KLRC2: variants seen among roughly 807,000 people sequenced by gnomAD.
The protein encoded by KLRC2 is killer cell lectin like receptor C2, also known as NKG2-C type II integral membrane protein.
KLRC2 carries 10 observed loss-of-function variants against 25.5 expected under a neutral mutation model. The observed-to-expected ratio is 0.39, with a 90% CI of 0.24 to 0.67. KLRC2 has a LOEUF of 0.67. KLRC2 is among the 30% of genes least tolerant of loss of function. KLRC2 has a pLI of 0.45. For synonymous variants in KLRC2, 48 were observed against 93.3 expected (o/e 0.51, Z 2.80); for missense variants, 170 against 272.8 (o/e 0.62, Z 2.65).
rs757065789 is a variant in KLRC2 at position 10,431,220 on chromosome 12, T to G, written c.593A>C (p.Asp198Ala). The G allele has an allele frequency of 6.5e-7, 1 of 1,543,896 alleles. No homozygotes were observed. Among genetic ancestry groups the G allele is most frequent in the Non-Finnish European group, 8.8e-7 (1 of 1,130,132 alleles). ...NGLAFKHKIK[D>A]SDNAELNCAV... ...ACAGTTAAGTTCAGCATTATCTGAG[T>G]CTTTTATCCTGTAATGGAGAAAAAT... The change falls in exon 6 of 6, where the codon GAC becomes GCC. Residue 198 changes from aspartate (D) to alanine (A), a missense_variant. Physicochemically the swap from Asp to Ala is moderately radical, Grantham distance 126. Transcript: ENST00000381902.
At position 10,432,934 on chromosome 12, in the gene KLRC2, G is replaced by A. The variant is rs552928329; in HGVS notation, c.484-728C>T. On this transcript the variant is annotated intron_variant, in intron 4 of 5. Coordinates refer to ENST00000381902, the MANE Select transcript of KLRC2 (RefSeq NM_002260.4). ...CACCCAACCTGGCAATAGGAGGAGGGTATCGAAGGAGAGTCCCCTCCACAA... is the reference window on the plus strand; with the variant it reads ...CACCCAACCTGGCAATAGGAGGAGGATATCGAAGGAGAGTCCCCTCCACAA... 5.0e-5 allele frequency among the ~76,000 whole-genome samples: 7 copies of A among 138,794 alleles called. 1 individual carries two copies. The East Asian group carries it at 1.5e-3, about 30-fold the overall frequency. 91.1% of individuals were successfully genotyped at this position (138,794 alleles called of 152,430 possible). A position where few individuals can be genotyped will look rare whatever the true frequency, so the allele number is the denominator to read the frequency against.
chr12:10,434,220 T>C (rs1863845294), intron 3 of KLRC2: 3 of 614,522 alleles, frequency 4.9e-6, no homozygotes, highest in Non-Finnish European at 8.7e-6. Context: ...ACTGCTTTTT[T>C]AGAATAGTAA....
Position 10,431,157 on chromosome 12 carries a change from C to A in KLRC2, c.656G>T (p.Cys219Phe). 1 of 1,547,602 alleles carries A rather than the reference C, an allele frequency of 6.5e-7. No homozygotes were observed. The highest frequency in any genetic ancestry group is 8.8e-7 in the Non-Finnish European group (1 of 1,133,704). ...LQVNRLKSAQ[C>F]GSSMIYHCKH... ...ACAATGATATATCATTGAAGATCCACACTGGGCTGATTTAAGTCGATTTAC... is the reference window on the plus strand; with the variant it reads ...ACAATGATATATCATTGAAGATCCAAACTGGGCTGATTTAAGTCGATTTAC... The change falls in exon 6 of 6, where the codon TGT becomes TTT. Residue 219 changes from cysteine (C) to phenylalanine (F), a missense_variant. Transcript: ENST00000381902.
chr12:10,432,009 C>G, intron 5 of KLRC2, 97 bp downstream of exon 5: 1 of 1,037,442 alleles, frequency 9.6e-7, no homozygotes, highest in Non-Finnish European at 1.4e-6. Flanking sequence ...CCACATCTTT[C>G]TTCATGTCAA....
At chr12:10,431,617 T>A (rs71221749) in intron 5 of KLRC2, among the ~76,000 whole-genome samples, 2 of 142,110 alleles carry the variant, frequency 1.4e-5, no homozygotes, top group African/African-American at 5.4e-5. Flanking sequence ...TATTCTTAAG[T>A]AAAAAAGTAA....
At chr12:10,435,558 A>G in intron 1 of KLRC2, 148 bp from the exon 2 acceptor site, 3 of 1,316,080 alleles carry the variant, frequency 2.3e-6, no homozygotes, top group South Asian at 2.7e-5. Flanking sequence ...TACTCTAGTA[A>G]TCTTTCTCTC....
rs763995667 is a variant in KLRC2, at chr12:10,431,570, G to T, written c.585-342C>A. On this transcript the variant is annotated intron_variant, in intron 5 of 5. Transcript: ENST00000381902. Reference sequence around the variant, plus strand: ...AATAACTAATAATAAAAAAATTATAGCAATATGCCAACAGCACTATTATTG... The same window carrying T: ...AATAACTAATAATAAAAAAATTATATCAATATGCCAACAGCACTATTATTG... Among the ~76,000 whole-genome samples the T allele has an allele frequency of 1.7e-4, 24 of 141,518 alleles. 7 individuals are homozygous for T. The highest frequency in any genetic ancestry group is 2.6e-4 in the Non-Finnish European group (17 of 64,718). The allele number at this position is 141,518 out of a possible 152,430, so 92.8% of individuals were successfully genotyped here.
In KLRC2 at chr12:10,431,095, T is replaced by G; in HGVS notation, c.*22A>C. The G allele has an allele frequency of 1.4e-6, 2 of 1,411,356 alleles. No individual in the cohort carries two copies. Among genetic ancestry groups the G allele is most frequent in the South Asian group, 2.4e-5 (2 of 84,502 alleles). 87.4% of individuals were successfully genotyped at this position (1,411,356 alleles called of 1,614,324 possible). On this transcript the variant is annotated 3_prime_UTR_variant, in exon 6 of 6. Transcript: ENST00000381902. ...GAAATATAAAATGTATCTGATGCACTGCAAACGCAAATGCTTTACTTCTAA... is the reference window on the plus strand; with the variant it reads ...GAAATATAAAATGTATCTGATGCACGGCAAACGCAAATGCTTTACTTCTAA...
At chr12:10,433,703 A>T in intron 4 of KLRC2, 88 bp downstream of exon 4, 1 of 1,298,474 alleles carries the variant, frequency 7.7e-7, no homozygotes, top group Non-Finnish European at 1.1e-6. Context: ...TGAGATAAAT[A>T]TATGTACACA....
Position 10,432,222 on chromosome 12 carries a change from T to G in KLRC2, c.484-16A>C, listed in dbSNP as rs370748469. ...CCAGAAATTTCTAAAAGAAAAGAAA[T>G]AATTTTCACTTAAATAATAATTATG... On this transcript the variant is annotated splice_polypyrimidine_tract_variant and intron_variant, in intron 4 of 5. Transcript: ENST00000381902. The G allele has an allele frequency of 8.8e-5, 113 of 1,290,954 alleles. 15 individuals are homozygous for G. The highest frequency in any genetic ancestry group is 6.1e-4 in the Middle Eastern group (3 of 4,892). 80.0% of individuals were successfully genotyped at this position (1,290,954 alleles called of 1,614,324 possible).
chr12:10,431,469 G>T (rs1310620392), intron 5 of KLRC2, among the ~76,000 whole-genome samples: 1 of 141,870 alleles, frequency 7.0e-6, no homozygotes, highest in Non-Finnish European at 1.5e-5. Flanking sequence ...CCTATAGAGA[G>T]ATTATGTTTT....
In KLRC2 at chr12:10,434,317, C is replaced by T. The variant is rs190980875; in HGVS notation, c.331+169G>A. On this transcript the variant is annotated intron_variant, in intron 3 of 5. Coordinates refer to ENST00000381902, the MANE Select transcript of KLRC2 (RefSeq NM_002260.4). ...GTAGAATGATTTTAAGTGAGTATTTCTACTCACTGGAGAAAAGGAAATGCT... is the reference window on the plus strand; with the variant it reads ...GTAGAATGATTTTAAGTGAGTATTTTTACTCACTGGAGAAAAGGAAATGCT... The T allele has an allele frequency of 3.9e-4, 237 of 603,508 alleles. 14 individuals are homozygous for T. The East Asian group carries it at 8.1e-3, about 21-fold the overall frequency. The allele number at this position is 603,508 out of a possible 1,614,324, so 37.4% of individuals were successfully genotyped here. A position where few individuals can be genotyped will look rare whatever the true frequency, so the allele number is the denominator to read the frequency against.
chr12:10,432,669 C>T lies in KLRC2; in HGVS notation c.484-463G>A, dbSNP rs147789530. Reference sequence around the variant, plus strand: ...CAATTTTTATCCGATTCGGTTTTTGCGGAATAACAGGGGTCCTGGCCAGGT... The same window carrying T: ...CAATTTTTATCCGATTCGGTTTTTGTGGAATAACAGGGGTCCTGGCCAGGT... On this transcript the variant is annotated intron_variant, in intron 4 of 5. Coordinates refer to ENST00000381902, the MANE Select transcript of KLRC2 (RefSeq NM_002260.4). Among the ~76,000 whole-genome samples, 1,264 of 136,334 alleles carry T rather than the reference C, an allele frequency of 9.3e-3. 129 individuals carry two copies. Among genetic ancestry groups the T allele is most frequent in the African/African-American group, 0.033 (1,174 of 35,162 alleles). The allele number at this position is 136,334 out of a possible 152,430, so 89.4% of individuals were successfully genotyped here.
In KLRC2 at chr12:10,435,070, A is replaced by T. The variant is rs573468182; in HGVS notation, c.286+242T>A. ...ACAGAAAAATTAAAATGATTTTTATAAAAAGTAATATTTAGATAAACCATA... is the reference window on the plus strand; with the variant it reads ...ACAGAAAAATTAAAATGATTTTTATTAAAAGTAATATTTAGATAAACCATA... On this transcript the variant is annotated intron_variant, in intron 2 of 5. Transcript: ENST00000381902. 2.7e-4 allele frequency: 284 copies of T among 1,066,376 alleles called. 2 individuals carry two copies. In the African/African-American group the frequency reaches 4.4e-3, roughly 17 times the overall value. 66.1% of individuals were successfully genotyped at this position (1,066,376 alleles called of 1,614,324 possible).
At chr12:10,434,042 A>G in intron 3 of KLRC2, 100 bp from the exon 4 acceptor site, 1 of 1,436,562 alleles carries the variant, frequency 7.0e-7, no homozygotes, top group South Asian at 1.3e-5. Flanking sequence ...TGCTTAACAT[A>G]TTTACGCATC....
chr12:10,434,098 A>C lies in KLRC2; in HGVS notation c.332-156T>G, dbSNP rs1863843967. 1.7e-6 allele frequency: 2 copies of C among 1,178,302 alleles called. 1 individual carries two copies. Among genetic ancestry groups the C allele is most frequent in the Non-Finnish European group, 2.3e-6 (2 of 856,204 alleles). The allele number at this position is 1,178,302 out of a possible 1,614,324, so 73.0% of individuals were successfully genotyped here. On this transcript the variant is annotated intron_variant, in intron 3 of 5. Transcript: ENST00000381902. ...TATTTTTAATAACTGAGTCAGTCAT[A>C]CACACATGCACAGACAAGGGTTAGC...
rs1172612773 is a variant in KLRC2, at chr12:10,433,269, G to A, written c.483+522C>T. Among the ~76,000 whole-genome samples the A allele has an allele frequency of 1.9e-4, 27 of 142,010 alleles. 1 individual carries two copies. Among genetic ancestry groups the A allele is most frequent in the Admixed American group, 1.7e-3 (25 of 14,492 alleles). The allele number at this position is 142,010 out of a possible 152,430, so 93.2% of individuals were successfully genotyped here. On this transcript the variant is annotated intron_variant, in intron 4 of 5. Coordinates refer to ENST00000381902, the MANE Select transcript of KLRC2 (RefSeq NM_002260.4). ...ATAACTGCAATAATATGGAGGAATT[G>A]CACAAATATCAGATAGGATTGAAAA...
rs375246944 is a variant in KLRC2 at position 10,431,937 on chromosome 12, T to A, written c.584+169A>T. 3.5e-5 allele frequency among the ~76,000 whole-genome samples: 5 copies of A among 141,620 alleles called. 1 individual carries two copies. In the East Asian group the frequency reaches 1.1e-3, roughly 30 times the overall value. 92.9% of individuals were successfully genotyped at this position (141,620 alleles called of 152,430 possible). A position where few individuals can be genotyped will look rare whatever the true frequency, so the allele number is the denominator to read the frequency against. ...AGGTTACTAGCAGACCAATGAGCGG[T>A]TGAAATATATGGACTACTATGGTCT... On this transcript the variant is annotated intron_variant, in intron 5 of 5. Coordinates refer to ENST00000381902, the MANE Select transcript of KLRC2 (RefSeq NM_002260.4).
chr12:10,431,061 CTATTT>C lies in KLRC2; in HGVS notation c.*51_*55del. 4.8e-6 allele frequency: 6 copies of C among 1,260,804 alleles called. No individual in the cohort carries two copies. In the South Asian group the frequency reaches 8.1e-5, roughly 17 times the overall value. 78.1% of individuals were successfully genotyped at this position (1,260,804 alleles called of 1,614,324 possible). ...TCAGATTTATGCAATCATAATATTT[CTATTT>C]TAAGAAATATAAAATGTATCTGATG... is the stretch of plus-strand genomic sequence containing the variant. On this transcript the variant is annotated 3_prime_UTR_variant, in exon 6 of 6. Transcript: ENST00000381902.
Sources: allele counts gnomAD v4.1 joint callset (sites outside exome capture counted in the v4.1 genomes callset), GRCh38; gene constraint gnomAD v4.1.1; transcripts MANE v1.5; gene names NCBI Gene and HGNC (gene_info 2026-07-23, HGNC 2026-07-21).